TEX11: variants seen among roughly 807,000 people sequenced by gnomAD.
The protein encoded by TEX11 is testis-expressed protein 11.
In TEX11, 7 loss-of-function variants were observed where a neutral mutation model predicts 84.4. That is an observed-to-expected ratio of 0.08 (90% CI 0.05 to 0.16). TEX11 has a LOEUF of 0.16. Ranked by LOEUF, TEX11 falls within the 10% of genes least tolerant of loss-of-function variation. The pLI, the probability that TEX11 is intolerant of heterozygous loss-of-function variation, is 1.00. For synonymous variants in TEX11, 264 were observed against 222.8 expected (o/e 1.18, Z -1.64); for missense variants, 551 against 660.5 (o/e 0.83, Z 1.82).
intron 28 of TEX11, among the ~76,000 whole-genome samples, chrX:70,532,229 G>T (rs930383097): frequency 8.9e-6 from 1 of 112,327 alleles, no homozygotes; most frequent in African/African-American, 3.2e-5. Context: ...AGGGTATGTG[G>T]AACGTTTGCT....
intron 2 of TEX11, among the ~76,000 whole-genome samples, chrX:70,890,524 C>T (rs185418211): frequency 8.9e-6 from 1 of 112,768 alleles, no homozygotes; most frequent in Non-Finnish European, 1.9e-5. Context: ...TTCCAACGGT[C>T]TTAGCAAACA....
chrX:70,576,204 A>C (rs2088671503), intron 25 of TEX11, among the ~76,000 whole-genome samples: 1 of 111,956 alleles, frequency 8.9e-6, no homozygotes, highest in Non-Finnish European at 1.9e-5. Context: ...ACAGCTCTTA[A>C]TTAACTCTGA....
intron 13 of TEX11, among the ~76,000 whole-genome samples, chrX:70,699,035 G>C (rs189935500): frequency 2.7e-5 from 3 of 111,495 alleles, no homozygotes; most frequent in African/African-American, 9.8e-5. Flanking sequence ...AAGCCTTGCA[G>C]TATCTGCCTG....
At chrX:70,684,215 G>A (rs1382178206) in intron 13 of TEX11, among the ~76,000 whole-genome samples, 2 of 112,022 alleles carry the variant, frequency 1.8e-5, no homozygotes, top group Non-Finnish European at 3.8e-5. Flanking sequence ...ACAAAACCCA[G>A]AAGCGTTTCT....
intron 13 of TEX11, among the ~76,000 whole-genome samples, chrX:70,719,586 C>G (rs2090537728): frequency 9.0e-6 from 1 of 111,550 alleles, no homozygotes; most frequent in South Asian, 3.7e-4. Context: ...AACAGGCAAC[C>G]TACAGAATGG....
chrX:70,680,500 A>G (rs2090138234), intron 14 of TEX11, among the ~76,000 whole-genome samples: 1 of 90,498 alleles, frequency 1.1e-5, no homozygotes, highest in African/African-American at 4.1e-5. Context: ...TCACTTGTTT[A>G]TCTGCTGACC....
intron 25 of TEX11, among the ~76,000 whole-genome samples, chrX:70,582,750 A>ATTTT: frequency 1.4e-5 from 1 of 71,871 alleles, no homozygotes; most frequent in Non-Finnish European, 2.6e-5. Flanking sequence ...TTATTTATTT[A>ATTTT]TTTATTTATT....
chrX:70,885,717 C>G (rs1000044179), intron 2 of TEX11, among the ~76,000 whole-genome samples: 1 of 109,339 alleles, frequency 9.1e-6, no homozygotes, highest in African/African-American at 3.3e-5. Context: ...CATGGTGAAA[C>G]CCCGTCTCTA....
At chrX:70,626,040 G>A (rs1437502773) in intron 18 of TEX11, among the ~76,000 whole-genome samples, 1 of 110,924 alleles carries the variant, frequency 9.0e-6, no homozygotes, top group Non-Finnish European at 1.9e-5. Flanking sequence ...GAGCCACTGC[G>A]CGCGGCATAT....
chrX:70,611,189 T>C (rs745489578), intron 20 of TEX11, among the ~76,000 whole-genome samples: 2 of 112,606 alleles, frequency 1.8e-5, no homozygotes, highest in East Asian at 2.8e-4. Context: ...TAGTTATGCA[T>C]GTAAGGAGCT....
intron 9 of TEX11, among the ~76,000 whole-genome samples, chrX:70,783,463 A>T (rs113690096): frequency 0.075 from 8,318 of 111,521 alleles, 492 homozygotes; most frequent in Admixed American, 0.28. Flanking sequence ...AGCAGAAGGC[A>T]AGAAATAACT....
At chrX:70,660,910 G>A (rs1325188768) in intron 16 of TEX11, among the ~76,000 whole-genome samples, 1 of 111,593 alleles carries the variant, frequency 9.0e-6, no homozygotes, top group African/African-American at 3.3e-5. Context: ...CAAGATGGCC[G>A]AATAGAAACA....
At chrX:70,535,479 G>A (rs2087944376) in intron 28 of TEX11, among the ~76,000 whole-genome samples, 2 of 111,801 alleles carry the variant, frequency 1.8e-5, no homozygotes, top group Non-Finnish European at 3.8e-5. Context: ...GGGTGTGGTG[G>A]CTCATGCCTA....
intron 15 of TEX11, among the ~76,000 whole-genome samples, chrX:70,675,925 C>T (rs900774802): frequency 9.8e-5 from 11 of 111,919 alleles, no homozygotes; most frequent in South Asian, 7.5e-4. Flanking sequence ...CCACCGCATC[C>T]GGCCCATTCT....
At chrX:70,854,342 GAGAT>G (rs1372499952) in intron 5 of TEX11, among the ~76,000 whole-genome samples, 3 of 110,943 alleles carry the variant, frequency 2.7e-5, no homozygotes, top group African/African-American at 9.8e-5. Context: ...AAGGGAAAGA[GAGAT>G]AGAAAGAATG....
rs766633148 is a variant in TEX11, at chrX:70,836,402, T to C, written c.526-2809A>G. 2.4e-4 allele frequency among the ~76,000 whole-genome samples: 27 copies of C among 111,308 alleles called. 1 individual carries two copies. The highest frequency in any genetic ancestry group is 4.7e-3 in the Middle Eastern group (1 of 213). ...AAAAAGACAAGCTACAACAAGACAA[T>C]ATTCGCGAATATTTATCTGACAAGG... On this transcript the variant is annotated intron_variant, in intron 7 of 29. Coordinates refer to ENST00000374333, the MANE Select transcript of TEX11 (RefSeq NM_031276.3).
rs747437452 is a variant in TEX11, at chrX:70,735,728, A to C, written c.843+4973T>G. Among the ~76,000 whole-genome samples, 15 of 112,345 alleles carry C rather than the reference A, an allele frequency of 1.3e-4. 2 individuals are homozygous for C. The South Asian group carries it at 1.8e-3, about 14-fold the overall frequency. Reference sequence around the variant, plus strand: ...TTGCAGAAATCAACAAGCTGATTCCAAAATATGAAAATGCAAGAGATTCAG... The same window carrying C: ...TTGCAGAAATCAACAAGCTGATTCCCAAATATGAAAATGCAAGAGATTCAG... On this transcript the variant is annotated intron_variant, in intron 11 of 29. Transcript: ENST00000374333.
chrX:70,605,185 AAAG>A (rs1322762908), intron 24 of TEX11, among the ~76,000 whole-genome samples: 3 of 111,660 alleles, frequency 2.7e-5, no homozygotes, highest in Non-Finnish European at 5.7e-5. Flanking sequence ...GGGAATTTTA[AAAG>A]AAGAGATATC....
chrX:70,779,226 C>A (rs1409040553), intron 9 of TEX11, among the ~76,000 whole-genome samples: 1 of 109,079 alleles, frequency 9.2e-6, no homozygotes, highest in Non-Finnish European at 1.9e-5. Context: ...ACCAGCCTGG[C>A]CAAGATGGTG....
Sources: allele counts gnomAD v4.1 joint callset (sites outside exome capture counted in the v4.1 genomes callset), GRCh38; gene constraint gnomAD v4.1.1; transcripts MANE v1.5; gene names NCBI Gene and HGNC (gene_info 2026-07-23, HGNC 2026-07-21).